ANK3: variants seen among roughly 807,000 people sequenced by gnomAD.
ANK3 encodes ankyrin-3.
Under a neutral mutation model 370.9 loss-of-function variants are expected in ANK3, and 57 were observed. The ratio of observed to expected loss-of-function variants is 0.15; its 90% CI spans 0.12 to 0.19. The LOEUF is 0.19. ANK3 is among the 10% of genes least tolerant of loss of function. The pLI, the probability that ANK3 is intolerant of heterozygous loss-of-function variation, is 1.00. For missense variants in ANK3, 4,439 were observed against 5,302.1 expected (o/e 0.84, Z 5.06); for synonymous variants, 1,929 against 1,946.3 (o/e 0.99, Z 0.23).
intron 18 of ANK3, among the ~76,000 whole-genome samples, chr10:60,176,955 A>C (rs2095981209): frequency 6.6e-6 from 1 of 151,730 alleles, no homozygotes; most frequent in Non-Finnish European, 1.5e-5. Context: ...TTGAAAACTA[A>C]ACTTCTTGGA....
intron 1 of ANK3, among the ~76,000 whole-genome samples, chr10:60,324,659 A>T (rs986404990): frequency 3.9e-4 from 59 of 152,026 alleles, no homozygotes; most frequent in African/African-American, 1.2e-3. Context: ...AAGTCTCCTA[A>T]TTTTTTTTCT....
chr10:60,201,319 A>G (rs141524232), intron 12 of ANK3, among the ~76,000 whole-genome samples: 72 of 152,194 alleles, frequency 4.7e-4, no homozygotes, highest in African/African-American at 1.6e-3. Flanking sequence ...TGGAAGATGC[A>G]CTCTTACTGG....
intron 25 of ANK3, among the ~76,000 whole-genome samples, chr10:60,126,428 G>A (rs1236240742): frequency 6.6e-6 from 1 of 152,210 alleles, no homozygotes; most frequent in African/African-American, 2.4e-5. Flanking sequence ...GCTCACGCCT[G>A]TAATCTCAGC....
intron 2 of ANK3, among the ~76,000 whole-genome samples, chr10:60,415,199 A>G (rs540912076): frequency 1.2e-4 from 19 of 152,228 alleles, no homozygotes; most frequent in Non-Finnish European, 4.4e-5. Context: ...GTAGAAAGAG[A>G]CAGTCTGGCC....
intron 7 of ANK3, among the ~76,000 whole-genome samples, chr10:60,239,921 C>G (rs1303936500): frequency 2.6e-5 from 4 of 150,970 alleles, no homozygotes; most frequent in Non-Finnish European, 5.9e-5. Context: ...TTAAAGATAT[C>G]AAACTATGAA....
intron 1 of ANK3, among the ~76,000 whole-genome samples, chr10:60,315,605 G>A (rs1384999293): frequency 6.6e-6 from 1 of 152,184 alleles, no homozygotes; most frequent in Non-Finnish European, 1.5e-5. Context: ...TTAGGAAATT[G>A]TCTAACCTGT....
intron 9 of ANK3, among the ~76,000 whole-genome samples, chr10:60,210,686 ATG>A (rs1462801350): frequency 1.3e-5 from 2 of 152,196 alleles, no homozygotes; most frequent in African/African-American, 4.8e-5. Context: ...AAGGGCACAC[ATG>A]TGTGTTTCCT....
chr10:60,408,978 C>T (rs1323893618), intron 2 of ANK3, among the ~76,000 whole-genome samples: 1 of 152,176 alleles, frequency 6.6e-6, no homozygotes, highest in Non-Finnish European at 1.5e-5. Flanking sequence ...TGGAGCAACG[C>T]TATCATTATG....
chr10:60,592,956 C>T (rs1347368846), intron 2 of ANK3, among the ~76,000 whole-genome samples: 2 of 152,030 alleles, frequency 1.3e-5, no homozygotes, highest in African/African-American at 4.8e-5. Context: ...AACCTTCTTT[C>T]CAAAGGCCCA....
At chr10:60,129,321 G>A (rs1038826936) in intron 25 of ANK3, among the ~76,000 whole-genome samples, 1 of 152,184 alleles carries the variant, frequency 6.6e-6, no homozygotes, top group African/African-American at 2.4e-5. Flanking sequence ...AAGAGCCACA[G>A]GTAATTCCAT....
chr10:60,456,714 T>C (rs2064757414), intron 2 of ANK3, among the ~76,000 whole-genome samples: 1 of 152,148 alleles, frequency 6.6e-6, no homozygotes, highest in Non-Finnish European at 1.5e-5. Flanking sequence ...AACTCAGTCT[T>C]AGCTGCTAGT....
chr10:60,240,197 C>CACATATATATACA (rs1565917124), intron 7 of ANK3, among the ~76,000 whole-genome samples: 9 of 124,124 alleles, frequency 7.3e-5, no homozygotes, highest in African/African-American at 2.9e-4. Context: ...TATATATACA[C>CACATATATATACA]ACACACATAT....
Position 60,408,392 on chromosome 10 carries a change from C to T in ANK3, c.97-128753G>A, listed in dbSNP as rs890467120. 5.9e-5 allele frequency among the ~76,000 whole-genome samples: 9 copies of T among 152,116 alleles called. No individual in the cohort carries two copies. The South Asian group carries it at 1.7e-3, about 28-fold the overall frequency. ...TAGGTGAGTGCATTCTCATGAGATC[C>T]GGTTGTTTAAAAGCGTATGGCACCC... On this transcript the variant is annotated intron_variant, in intron 2 of 43. Coordinates refer to the ANK3 transcript ENST00000373827.
At chr10:60,031,452 TA>T (rs2073532942) in intron 43 of ANK3, among the ~76,000 whole-genome samples, 1 of 152,190 alleles carries the variant, frequency 6.6e-6, no homozygotes, top group African/African-American at 2.4e-5. Context: ...GCCTTTTCCA[TA>T]AAACAAAGTT....
chr10:60,424,742 A>G (rs12263856), intron 2 of ANK3, among the ~76,000 whole-genome samples: 32,118 of 151,956 alleles, frequency 0.21, 4,062 homozygotes, highest in African/African-American at 0.36. Flanking sequence ...TTATCACATG[A>G]AAAATCTAGA....
chr10:60,482,500 T>G (rs984280185), intron 2 of ANK3, among the ~76,000 whole-genome samples: 1 of 152,178 alleles, frequency 6.6e-6, no homozygotes, highest in Non-Finnish European at 1.5e-5. Flanking sequence ...ACAACATTTT[T>G]TTTTTAAGAC....
At chr10:60,122,843 T>C (rs1408524935) in intron 25 of ANK3, among the ~76,000 whole-genome samples, 2 of 152,236 alleles carry the variant, frequency 1.3e-5, no homozygotes, top group African/African-American at 2.4e-5. Flanking sequence ...TGGGGCATTA[T>C]AGTAATACAC....
intron 2 of ANK3, among the ~76,000 whole-genome samples, chr10:60,475,305 C>T (rs2075033450): frequency 6.6e-6 from 1 of 152,022 alleles, no homozygotes; most frequent in Non-Finnish European, 1.5e-5. Context: ...AAAGTTTTAC[C>T]ATCTCCCCAT....
At chr10:60,518,383 C>T (rs1375265983) in intron 2 of ANK3, among the ~76,000 whole-genome samples, 1 of 152,120 alleles carries the variant, frequency 6.6e-6, no homozygotes, top group African/African-American at 2.4e-5. Flanking sequence ...AGCCCCCTAA[C>T]GTTACTACAG....
Sources: allele counts gnomAD v4.1 joint callset (sites outside exome capture counted in the v4.1 genomes callset), GRCh38; gene constraint gnomAD v4.1.1; transcripts MANE v1.5; gene names NCBI Gene and HGNC (gene_info 2026-07-23, HGNC 2026-07-21).